The following KCNK16 variants were observed in gnomAD, a reference collection of about 807,000 sequenced individuals.
KCNK16 encodes the protein potassium two pore domain channel subfamily K member 16.
Under a neutral mutation model 23.0 loss-of-function variants are expected in KCNK16, and 23 were observed. The ratio of observed to expected loss-of-function variants is 1.00; its 90% CI spans 0.72 to 1.41. The LOEUF (loss-of-function observed/expected upper bound fraction) is 1.41. Ranked by LOEUF, KCNK16 falls within the 40% of genes most tolerant of loss-of-function variation. The probability of loss-of-function intolerance (pLI) is 0.00; values close to 1 mark genes in which losing one functional copy is unlikely to be tolerated. For synonymous variants in KCNK16, 145 were observed against 153.5 expected (o/e 0.94, Z 0.41); for missense variants, 327 against 365.8 (o/e 0.89, Z 0.87).
intron 1 of KCNK16, among the ~76,000 whole-genome samples, chr6:39,321,496 T>G (rs760383101): frequency 2.6e-5 from 4 of 152,250 alleles, no homozygotes; most frequent in Non-Finnish European, 4.4e-5. Context: ...ATTAAGCTGG[T>G]CATGACCACC....
Position 39,316,359 on chromosome 6 carries a change from G to A in KCNK16, c.745C>T (p.Leu249=). Residue 249 remains leucine, a synonymous_variant, in exon 5 of 5, where the codon CTG becomes TTG. Transcript: ENST00000437525. ...AGCAGGGGGCCCAGTGGGAGGATCA[G>A]CGCCAGCCACGCCAGGCCCAGGAGG... The part of the protein sequence containing the change: ...WILLGLAWLA[L]ILPLGPLLLH... The A allele has an allele frequency of 1.2e-6, 2 of 1,612,596 alleles. No individual in the cohort carries two copies. The highest frequency in any genetic ancestry group is 1.7e-6 in the Non-Finnish European group (2 of 1,179,590).
intron 1 of KCNK16, among the ~76,000 whole-genome samples, chr6:39,321,714 A>C (rs1762521299): frequency 6.6e-6 from 1 of 152,150 alleles, no homozygotes; most frequent in Admixed American, 6.5e-5. Flanking sequence ...GGGGTGACCC[A>C]CTCTGTTACC....
chr6:39,315,812 CCCTGGCACAGCA>C (rs1230409933), downstream of KCNK16, among the ~76,000 whole-genome samples: 2 of 152,184 alleles, frequency 1.3e-5, no homozygotes, highest in African/African-American at 4.8e-5. Flanking sequence ...CTGGCACAGA[CCCTGGCACAGCA>C]CCTGGCACAT....
downstream of KCNK16, chr6:39,315,092 G>T (rs1316584746): frequency 6.2e-7 from 1 of 1,614,210 alleles, no homozygotes; most frequent in African/African-American, 1.3e-5. Context: ...TGGGTCTCCT[G>T]CCTGGAGCCG....
At chr6:39,314,678 C>A (rs1762242583), downstream of KCNK16, 11 of 410,144 alleles carry the variant, frequency 2.7e-5, no homozygotes, top group Non-Finnish European at 4.3e-5. Context: ...GGAGGGACTT[C>A]TGGAAACCGC....
In KCNK16 at chr6:39,317,661, C is replaced by G. The variant is rs547233002; in HGVS notation, c.495+125G>C. 7 of 1,089,876 alleles carry G rather than the reference C, an allele frequency of 6.4e-6. No individual in the cohort carries two copies. In the South Asian group the frequency reaches 1.1e-4, roughly 17 times the overall value. 67.5% of individuals were successfully genotyped at this position (1,089,876 alleles called of 1,614,324 possible). A position where few individuals can be genotyped will look rare whatever the true frequency, so the allele number is the denominator to read the frequency against. ...TCTGCCCAACCCTGCCTTCACCCTT[C>G]CTCTTTCACAGGCATCTACCCCTAA... On this transcript the variant is annotated intron_variant, in intron 3 of 4. Transcript: ENST00000437525.
At chr6:39,322,709 G>C (rs1426043727), upstream of KCNK16, 18 of 1,105,594 alleles carry the variant, frequency 1.6e-5, no homozygotes, top group Admixed American at 2.9e-5. Context: ...GTGCGGCTCA[G>C]CTTGGCTGCA....
Position 39,322,520 on chromosome 6 carries a change from G to T in KCNK16, c.21C>A (p.Cys7Ter). 1 of 1,604,460 alleles carries T rather than the reference G, an allele frequency of 6.2e-7. No individual in the cohort carries two copies. The highest frequency in any genetic ancestry group is 1.7e-5 in the Admixed American group (1 of 59,002). The change falls in exon 1 of 5, where the codon TGC becomes TGA. Residue 7 changes from cysteine (C) to a stop codon, truncating the protein, a stop_gained. Coordinates refer to ENST00000437525, the MANE Select transcript of KCNK16 (RefSeq NM_001135106.2). LOFTEE classifies it high-confidence loss of function. MPSAGL[C>*]SCWGGRVLPL... is the part of the protein sequence containing the mutation. ...GCAGCACCCGGCCACCCCAGCAGCT[G>T]CAGAGCCCAGCACTGGGCATGCTGT...
intron 1 of KCNK16, among the ~76,000 whole-genome samples, chr6:39,321,054 G>A (rs1297797987): frequency 6.6e-6 from 1 of 152,118 alleles, no homozygotes. Flanking sequence ...CCCAGCCCAC[G>A]CATCATCTTC....
chr6:39,315,784 C>A (rs1457603391), downstream of KCNK16, among the ~76,000 whole-genome samples: 1 of 152,206 alleles, frequency 6.6e-6, no homozygotes, highest in Non-Finnish European at 1.5e-5. Context: ...GGCACTTCCA[C>A]TGCTGTATCC....
intron 1 of KCNK16, among the ~76,000 whole-genome samples, chr6:39,320,233 C>T (rs542152343): frequency 5.3e-5 from 8 of 152,352 alleles, no homozygotes; most frequent in South Asian, 2.1e-4. Context: ...CTCACTTTGA[C>T]GGGAACTGGC....
At chr6:39,317,604 T>C (rs1341993214) in intron 3 of KCNK16, among the ~76,000 whole-genome samples, 182 bp downstream of exon 3, 1 of 152,216 alleles carries the variant, frequency 6.6e-6, no homozygotes, top group Non-Finnish European at 1.5e-5. Flanking sequence ...GCCAAGCCTT[T>C]GTAGAGCATG....
At chr6:39,315,072 G>A (rs1762257701), downstream of KCNK16, 2 of 1,613,850 alleles carry the variant, frequency 1.2e-6, no homozygotes, top group African/African-American at 2.7e-5. Flanking sequence ...TGCTGCTGTA[G>A]AGCCTCTCCT....
chr6:39,321,627 G>C (rs1425421552), intron 1 of KCNK16, among the ~76,000 whole-genome samples: 1 of 152,230 alleles, frequency 6.6e-6, no homozygotes, highest in African/African-American at 2.4e-5. Flanking sequence ...GCCTATTTCA[G>C]ATGCATTCAC....
At chr6:39,322,293 C>G (rs1449435450) in intron 1 of KCNK16, 35 bp downstream of exon 1, 5 of 1,595,834 alleles carry the variant, frequency 3.1e-6, no homozygotes. Context: ...CCTTCCCAAG[C>G]CTCTCCATCC....
intron 1 of KCNK16, among the ~76,000 whole-genome samples, chr6:39,321,685 C>A (rs2894423): frequency 0.42 from 63,872 of 152,090 alleles, 13,798 homozygotes; most frequent in African/African-American, 0.5. Flanking sequence ...AAAGAGGAAA[C>A]CAGAAAGGAC....
At position 39,322,365 on chromosome 6, in the gene KCNK16, G is replaced by T; in HGVS notation, c.176C>A (p.Thr59Asn). Residue 59 changes from threonine to asparagine, a missense_variant, in exon 1 of 5, where the codon ACC becomes AAC. Physicochemically the swap from Thr to Asn is moderately conservative, Grantham distance 65. Transcript: ENST00000437525. ...LEKLRFLENYTCLDQWAMEQF... is the reference protein window; with the variant it reads ...LEKLRFLENYNCLDQWAMEQF... Reference sequence around the variant, plus strand: ...CTCCATGGCCCACTGGTCCAGGCAGGTGTAGTTCTCCAGGAAGCGCAGCTT... The same window carrying T: ...CTCCATGGCCCACTGGTCCAGGCAGTTGTAGTTCTCCAGGAAGCGCAGCTT... 3 of 1,614,218 alleles carry T rather than the reference G, an allele frequency of 1.9e-6. No individual in the cohort carries two copies. The highest frequency in any genetic ancestry group is 1.6e-4 in the Middle Eastern group (1 of 6,062).
rs1762556351 is a variant in KCNK16, at chr6:39,322,650, CCCT to C, written c.-113_-111del. On this transcript the variant is annotated 5_prime_UTR_variant, in exon 1 of 5. Coordinates refer to ENST00000437525, the MANE Select transcript of KCNK16 (RefSeq NM_001135106.2). Reference sequence around the variant, plus strand: ...TGTGCCCAGGCTGCCGCCTGCCCTGCCCTCCTCCTCGGCACAGGTGTCTGGAGG... The same window carrying C: ...TGTGCCCAGGCTGCCGCCTGCCCTGCCCTCCTCGGCACAGGTGTCTGGAGG... The C allele has an allele frequency of 1.9e-5, 27 of 1,441,144 alleles. No individual in the cohort carries two copies. Among genetic ancestry groups the C allele is most frequent in the Non-Finnish European group, 2.5e-5 (27 of 1,093,174 alleles). The allele number at this position is 1,441,144 out of a possible 1,614,324, so 89.3% of individuals were successfully genotyped here.
intron 1 of KCNK16, among the ~76,000 whole-genome samples, 193 bp downstream of exon 1, chr6:39,322,135 T>G (rs1178239201): frequency 2.0e-5 from 3 of 152,156 alleles, no homozygotes; most frequent in Admixed American, 6.5e-5. Flanking sequence ...CTGTTCAAGG[T>G]CACACATCAA....
Sources: gnomAD v4.1 joint callset for allele counts (sites outside exome capture counted in the v4.1 genomes callset) on GRCh38, gnomAD v4.1.1 for gene constraint, MANE v1.5 for transcripts, NCBI Gene and HGNC (gene_info 2026-07-23, HGNC 2026-07-21) for gene names.